The following FRMD5 variants were observed in gnomAD, a reference collection of about 807,000 sequenced individuals.
FRMD5 encodes the protein FERM domain containing 5.
A neutral mutation model predicts 69.0 loss-of-function variants in FRMD5; 20 were observed. That is an observed-to-expected ratio of 0.29 (90% CI 0.20 to 0.42). FRMD5 has a LOEUF of 0.42. Among genes scored for constraint, FRMD5 ranks in the 10% least tolerant of loss-of-function variants. The pLI, the probability that FRMD5 is intolerant of heterozygous loss-of-function variation, is 1.00. For missense variants in FRMD5, 595 were observed against 708.6 expected, an observed-to-expected ratio of 0.84 and a Z score of 1.82; for synonymous variants, 271 against 260.1, an observed-to-expected ratio of 1.04 and a Z score of -0.40.
At chr15:43,951,186 C>T (rs1219022647) in intron 1 of FRMD5, among the ~76,000 whole-genome samples, 2 of 152,076 alleles carry the variant, frequency 1.3e-5, no homozygotes, top group Non-Finnish European at 2.9e-5. Flanking sequence ...TTTGGGAGGC[C>T]AAGGTGGGCA....
At chr15:43,953,658 CAAT>C (rs2090071663) in intron 1 of FRMD5, among the ~76,000 whole-genome samples, 2 of 152,168 alleles carry the variant, frequency 1.3e-5, no homozygotes, top group African/African-American at 2.4e-5. Context: ...TCCCTCACAA[CAAT>C]AAAAACCTCA....
chr15:43,875,152 G>A (rs1472724922), intron 13 of FRMD5, among the ~76,000 whole-genome samples: 1 of 151,780 alleles, frequency 6.6e-6, no homozygotes, highest in African/African-American at 2.4e-5. Flanking sequence ...AGCAGAGATC[G>A]TGCCACTGCA....
intron 1 of FRMD5, among the ~76,000 whole-genome samples, chr15:43,976,791 C>G (rs575460205): frequency 6.6e-6 from 1 of 152,088 alleles, no homozygotes; most frequent in Admixed American, 6.6e-5. Context: ...CTCAGTCTCC[C>G]AAGTAGCTGG....
In FRMD5 at chr15:44,183,195, G is replaced by T. The variant is rs1416252173; in HGVS notation, c.102+11758C>A. Among the ~76,000 whole-genome samples the T allele has an allele frequency of 2.6e-5, 4 of 152,250 alleles. No individual in the cohort carries two copies. The East Asian group carries it at 7.7e-4, about 29-fold the overall frequency. On this transcript the variant is annotated intron_variant, in intron 1 of 13. Coordinates refer to ENST00000417257, the MANE Select transcript of FRMD5 (RefSeq NM_032892.5). Reference sequence around the variant, plus strand: ...TCTACCCTGGAACAAGAAGGCTGGTGATCCATGCAGTGAGAAAAGGTGCAT... The same window carrying T: ...TCTACCCTGGAACAAGAAGGCTGGTTATCCATGCAGTGAGAAAAGGTGCAT...
intron 1 of FRMD5, among the ~76,000 whole-genome samples, chr15:44,091,352 A>C (rs1393463718): frequency 6.6e-6 from 1 of 152,094 alleles, no homozygotes; most frequent in East Asian, 1.9e-4. Context: ...ATATATATGC[A>C]CACACACACG....
chr15:43,919,955 A>G, intron 2 of FRMD5, 146 bp from the exon 3 acceptor site: 1 of 715,322 alleles, frequency 1.4e-6, no homozygotes, highest in East Asian at 2.7e-5. Flanking sequence ...TGGTGAGTAA[A>G]GAGTGATATG....
chr15:44,092,728 G>A (rs1395209421), intron 1 of FRMD5, among the ~76,000 whole-genome samples: 1 of 151,882 alleles, frequency 6.6e-6, no homozygotes, highest in East Asian at 1.9e-4. Flanking sequence ...TCTGACTTCT[G>A]CACCCAGAAT....
chr15:43,969,809 A>T (rs1284953510), intron 1 of FRMD5, among the ~76,000 whole-genome samples: 1 of 152,224 alleles, frequency 6.6e-6, no homozygotes, highest in African/African-American at 2.4e-5. Flanking sequence ...GAAGAGATGA[A>T]TGATACTATT....
intron 1 of FRMD5, among the ~76,000 whole-genome samples, chr15:44,054,292 T>G (rs1010710332): frequency 7.9e-5 from 12 of 152,172 alleles, no homozygotes; most frequent in African/African-American, 2.9e-4. Flanking sequence ...CATCAGGGTG[T>G]GGGAGCAGCT....
At chr15:44,001,265 GTTA>G (rs1890198731) in intron 1 of FRMD5, among the ~76,000 whole-genome samples, 1 of 152,000 alleles carries the variant, frequency 6.6e-6, no homozygotes, top group African/African-American at 2.4e-5. Context: ...TTGTTTTTCT[GTTA>G]TTGAGTTGTA....
chr15:44,188,309 G>T (rs1015373971), intron 1 of FRMD5, among the ~76,000 whole-genome samples: 2 of 152,138 alleles, frequency 1.3e-5, no homozygotes, highest in Non-Finnish European at 2.9e-5. Context: ...CATTTACCTT[G>T]CAAGGGAAGA....
chr15:43,974,746 C>T (rs1359114072), intron 1 of FRMD5, among the ~76,000 whole-genome samples: 1 of 152,232 alleles, frequency 6.6e-6, no homozygotes, highest in African/African-American at 2.4e-5. Context: ...ATTCATGTAG[C>T]TCTCTGACTT....
At chr15:44,115,183 T>C (rs1187532208) in intron 1 of FRMD5, among the ~76,000 whole-genome samples, 1 of 152,186 alleles carries the variant, frequency 6.6e-6, no homozygotes, top group East Asian at 1.9e-4. Flanking sequence ...ACACTAATAT[T>C]GGAACATAAG....
chr15:43,989,158 G>C, intron 1 of FRMD5: 1 of 916,502 alleles, frequency 1.1e-6, no homozygotes, highest in South Asian at 1.3e-5. Flanking sequence ...GGCCAGGATG[G>C]AGCTGCCGAT....
At chr15:44,110,846 A>C (rs1595475013) in intron 1 of FRMD5, among the ~76,000 whole-genome samples, 1 of 152,358 alleles carries the variant, frequency 6.6e-6, no homozygotes, top group Non-Finnish European at 1.5e-5. Flanking sequence ...GTGAGAAATT[A>C]AATGAGAAAA....
At chr15:43,926,489 C>A (rs1335642759) in intron 1 of FRMD5, among the ~76,000 whole-genome samples, 1 of 152,196 alleles carries the variant, frequency 6.6e-6, no homozygotes, top group African/African-American at 2.4e-5. Context: ...AAGGGCCTGG[C>A]CCTGCCCCAA....
At chr15:43,883,596 T>C in intron 13 of FRMD5, 107 bp downstream of exon 13, 2 of 777,914 alleles carry the variant, frequency 2.6e-6, no homozygotes, top group Admixed American at 4.7e-5. Flanking sequence ...GGAGGCCCTT[T>C]TCCCCAAGAG....
chr15:44,022,232 A>T (rs1357935139), intron 1 of FRMD5, among the ~76,000 whole-genome samples: 1 of 152,034 alleles, frequency 6.6e-6, no homozygotes, highest in Non-Finnish European at 1.5e-5. Flanking sequence ...AATAGCTAAA[A>T]CTATAAAGTT....
At chr15:43,931,793 T>C (rs1327491991) in intron 1 of FRMD5, among the ~76,000 whole-genome samples, 1 of 152,192 alleles carries the variant, frequency 6.6e-6, no homozygotes, top group African/African-American at 2.4e-5. Flanking sequence ...GGTAGACACA[T>C]TTCATTAGCA....
Sources: allele counts gnomAD v4.1 joint callset (sites outside exome capture counted in the v4.1 genomes callset), GRCh38; gene constraint gnomAD v4.1.1; transcripts MANE v1.5; gene names NCBI Gene and HGNC (gene_info 2026-07-23, HGNC 2026-07-21).